PEAK1: variants seen among roughly 807,000 people sequenced by gnomAD.
PEAK1 encodes pseudopodium enriched atypical kinase 1.
A neutral mutation model predicts 124.7 loss-of-function variants in PEAK1; 54 were observed. That is an observed-to-expected ratio of 0.43 (90% CI 0.35 to 0.54). The LOEUF is 0.54. PEAK1 is among the 20% of genes least tolerant of loss of function. The probability of loss-of-function intolerance (pLI) is 0.01; values close to 1 mark genes in which losing one functional copy is unlikely to be tolerated. For synonymous variants in PEAK1, 719 were observed against 760.0 expected, an observed-to-expected ratio of 0.95 and a Z score of 0.89; for missense variants, 2,046 against 2,134.5, an observed-to-expected ratio of 0.96 and a Z score of 0.82.
chr15:77,115,357 A>C, intron 9 of PEAK1, 38 bp from the exon 10 acceptor site: 4 of 1,558,692 alleles, frequency 2.6e-6, no homozygotes, highest in Non-Finnish European at 3.5e-6. Flanking sequence ...TCACACTCTC[A>C]TAACCAGGTT....
At chr15:77,352,425 C>T in intron 2 of PEAK1, 1 of 985,314 alleles carries the variant, frequency 1.0e-6, no homozygotes, top group Non-Finnish European at 1.2e-6. Flanking sequence ...CATTCAGATA[C>T]ACGCACCACT....
intron 6 of PEAK1, among the ~76,000 whole-genome samples, chr15:77,230,816 G>C (rs1268804005): frequency 1.3e-5 from 2 of 152,096 alleles, no homozygotes; most frequent in Non-Finnish European, 2.9e-5. Flanking sequence ...CTAGGAGACA[G>C]AGTGAGACCC....
chr15:77,329,974 C>T (rs1238957466), intron 2 of PEAK1, among the ~76,000 whole-genome samples: 3 of 152,054 alleles, frequency 2.0e-5, no homozygotes, highest in Admixed American at 1.3e-4. Flanking sequence ...CCTATTCACC[C>T]TCTGAATCAC....
intron 6 of PEAK1, among the ~76,000 whole-genome samples, chr15:77,223,337 A>C (rs1412078073): frequency 1.3e-5 from 2 of 152,004 alleles, no homozygotes; most frequent in Non-Finnish European, 1.5e-5. Flanking sequence ...CTTCCACCCA[A>C]GTACAAGCAA....
At chr15:77,304,900 T>C (rs1455285044) in intron 2 of PEAK1, among the ~76,000 whole-genome samples, 1 of 152,022 alleles carries the variant, frequency 6.6e-6, no homozygotes, top group Non-Finnish European at 1.5e-5. Context: ...ATCTGTACAA[T>C]GTGGATCATT....
At chr15:77,285,105 A>G (rs1050407888) in intron 3 of PEAK1, 50 bp from the exon 4 acceptor site, 4 of 151,850 alleles carry the variant, frequency 2.6e-5, no homozygotes, top group Admixed American at 2.6e-4. Context: ...AAAGTAAGTC[A>G]ATAGACATGG....
intron 6 of PEAK1, among the ~76,000 whole-genome samples, chr15:77,223,002 C>T (rs1249216756): frequency 6.6e-6 from 1 of 151,936 alleles, no homozygotes; most frequent in Non-Finnish European, 1.5e-5. Flanking sequence ...TGCAGTGTCT[C>T]AGGCCCCACT....
chr15:77,182,746 T>G (rs2057343791), intron 6 of PEAK1, among the ~76,000 whole-genome samples: 1 of 18,082 alleles, frequency 5.5e-5, no homozygotes, highest in African/African-American at 1.3e-4. Flanking sequence ...TGAGACCTTG[T>G]CTCAAAAAAA....
At chr15:77,347,692 TAGA>T in intron 2 of PEAK1, 1 of 973,074 alleles carries the variant, frequency 1.0e-6, no homozygotes, top group Non-Finnish European at 1.2e-6. Flanking sequence ...CAGAAATTTT[TAGA>T]AATTACAGAA....
intron 6 of PEAK1, among the ~76,000 whole-genome samples, chr15:77,250,220 T>C (rs1201660641): frequency 2.9e-5 from 4 of 139,448 alleles, no homozygotes; most frequent in South Asian, 4.4e-4. Context: ...TGTATATATA[T>C]ACACATATAT....
intron 2 of PEAK1, chr15:77,334,495 C>A (rs1390192583): frequency 1.0e-6 from 1 of 985,226 alleles, no homozygotes; most frequent in African/African-American, 1.7e-5. Flanking sequence ...TTCAGCATCT[C>A]TTCCACTCAC....
chr15:77,114,636 A>G lies in PEAK1; in HGVS notation c.4761T>C (p.Tyr1587=). 2 of 1,613,834 alleles carry G rather than the reference A, an allele frequency of 1.2e-6. 1 individual carries two copies. The highest frequency in any genetic ancestry group is 2.2e-5 in the South Asian group (2 of 91,040). ...LAPEIITATQ[Y]KKCDEFQTGI... is the part of the protein sequence containing the mutation. ...CTGTCTGGAACTCATCACACTTTTT[A>G]TACTGGGTAGCTGTTATGATCTCTG... The change falls in exon 10 of 10, where the codon TAT becomes TAC. Residue 1587 remains tyrosine (Y), a synonymous_variant. Transcript: ENST00000682557.
intron 9 of PEAK1, among the ~76,000 whole-genome samples, chr15:77,128,743 T>C (rs985966126): frequency 1.3e-5 from 2 of 152,242 alleles, no homozygotes; most frequent in South Asian, 4.1e-4. Flanking sequence ...AGCATGTAAC[T>C]TGTGGTTTCA....
Position 77,179,495 on chromosome 15 carries a change from T to C in PEAK1, c.2432A>G (p.Lys811Arg), listed in dbSNP as rs1446703949. ...PDADVAKSTPKSTPVRPKSLF... is the reference protein window; with the variant it reads ...PDADVAKSTPRSTPVRPKSLF... ...AGATTTGGGCCGGACTGGCGTACTC[T>C]TAGGTGTGCTCTTAGCAACATCAGC... The change falls in exon 7 of 10, where the codon AAG (lysine) becomes AGG (arginine). Residue 811 changes from lysine (K) to arginine (R), a missense_variant. Physicochemically the swap from Lys to Arg is conservative, Grantham distance 26 (BLOSUM62 2). Transcript: ENST00000682557. 1 of 1,614,006 alleles carries C rather than the reference T, an allele frequency of 6.2e-7. No individual in the cohort carries two copies. Among genetic ancestry groups the C allele is most frequent in the Admixed American group, 1.7e-5 (1 of 59,918 alleles).
intron 2 of PEAK1, among the ~76,000 whole-genome samples, chr15:77,296,630 A>T (rs2152986020): frequency 6.6e-6 from 1 of 151,764 alleles, no homozygotes; most frequent in African/African-American, 2.4e-5. Context: ...ATAAATAAAT[A>T]AAAGAAAATA....
intron 6 of PEAK1, among the ~76,000 whole-genome samples, chr15:77,194,803 A>G (rs2058025725): frequency 6.6e-6 from 1 of 152,216 alleles, no homozygotes; most frequent in South Asian, 2.1e-4. Flanking sequence ...TGACTACCTG[A>G]CAGCAAAGGG....
Position 77,114,952 on chromosome 15 carries a change from T to G in PEAK1, c.4445A>C (p.His1482Pro), listed in dbSNP as rs2051225968. The stretch of plus-strand genomic sequence containing the variant: ...CTCATACAAATCAGGGCTTTTCCCA[T>G]GCTGGGCCAGAGAGTCTCGCACAAA... ...ADFVRDSLAQ[H>P]GKSPDLYERQ... The change falls in exon 10 of 10, where the codon CAT becomes CCT. Residue 1482 changes from histidine to proline, a missense_variant. Transcript: ENST00000682557. The G allele has an allele frequency of 6.2e-7, 1 of 1,613,996 alleles. No homozygotes were observed. The highest frequency in any genetic ancestry group is 1.3e-5 in the African/African-American group (1 of 74,898).
At chr15:77,310,416 A>G (rs1237478970) in intron 2 of PEAK1, among the ~76,000 whole-genome samples, 2 of 152,174 alleles carry the variant, frequency 1.3e-5, no homozygotes, top group Non-Finnish European at 2.9e-5. Flanking sequence ...TTTCATATCA[A>G]AGCACAAAAA....
chr15:77,103,323 T>A (rs1364272700), downstream of PEAK1: 1 of 152,316 alleles, frequency 6.6e-6, no homozygotes, highest in Non-Finnish European at 1.5e-5. Flanking sequence ...TTTTTGTATT[T>A]TTTTGTAGAG....
Sources: allele counts gnomAD v4.1 joint callset (sites outside exome capture counted in the v4.1 genomes callset), GRCh38; gene constraint gnomAD v4.1.1; transcripts MANE v1.5; gene names NCBI Gene and HGNC (gene_info 2026-07-23, HGNC 2026-07-21).